Variants in NRG1 observed in about 807,000 individuals in gnomAD.
NRG1 encodes the protein pro-neuregulin-1, membrane-bound isoform.
NRG1 carries 18 observed loss-of-function variants against 63.8 expected under a neutral mutation model. The observed-to-expected ratio is 0.28, with a 90% CI of 0.19 to 0.42. The LOEUF is 0.42. Among genes scored for constraint, NRG1 ranks in the 10% least tolerant of loss-of-function variants. The pLI is 1.00. For missense variants in NRG1, 762 were observed against 814.7 expected (o/e 0.94, Z 0.79); for synonymous variants, 302 against 301.3 (o/e 1.00, Z -0.02).
At chr8:32,005,267 T>C (rs1276033949) in intron 1 of NRG1, among the ~76,000 whole-genome samples, 1 of 151,918 alleles carries the variant, frequency 6.6e-6, no homozygotes, top group Non-Finnish European at 1.5e-5. Context: ...ATCAGCTCCA[T>C]ATGCTACAGA....
At chr8:31,830,457 C>G (rs1460669689) in intron 1 of NRG1, among the ~76,000 whole-genome samples, 2 of 151,744 alleles carry the variant, frequency 1.3e-5, no homozygotes, top group African/African-American at 4.8e-5. Context: ...ATGCTTAGAT[C>G]AGCTGGGACA....
chr8:31,844,795 T>G (rs985580194), intron 1 of NRG1, among the ~76,000 whole-genome samples: 25 of 151,898 alleles, frequency 1.6e-4, no homozygotes, highest in African/African-American at 5.8e-4. Flanking sequence ...GTGAATTTTT[T>G]TTTTTCCTTT....
intron 1 of NRG1, among the ~76,000 whole-genome samples, chr8:32,015,676 C>A (rs1416315417): frequency 6.6e-6 from 1 of 152,108 alleles, no homozygotes. Context: ...AAGAAAGCTA[C>A]ATAAGCATCA....
At chr8:32,141,005 C>T (rs1259153489) in intron 1 of NRG1, among the ~76,000 whole-genome samples, 3 of 152,044 alleles carry the variant, frequency 2.0e-5, no homozygotes, top group Non-Finnish European at 4.4e-5. Context: ...GTTTCTGTCT[C>T]TCTCTTTTTC....
At chr8:32,182,462 G>A (rs931067218) in intron 1 of NRG1, among the ~76,000 whole-genome samples, 3 of 152,148 alleles carry the variant, frequency 2.0e-5, no homozygotes, top group Non-Finnish European at 2.9e-5. Context: ...GGCCAGGCTG[G>A]TCTCCAACTC....
intron 1 of NRG1, among the ~76,000 whole-genome samples, chr8:32,184,930 A>G (rs1841819410): frequency 6.6e-6 from 1 of 152,194 alleles, no homozygotes; most frequent in South Asian, 2.1e-4. Context: ...ACTTGGTAGC[A>G]TCAAGGGAAG....
intron 1 of NRG1, among the ~76,000 whole-genome samples, chr8:32,037,814 G>A (rs1819315234): frequency 1.3e-5 from 2 of 152,190 alleles, no homozygotes; most frequent in South Asian, 4.1e-4. Context: ...AGCAGCAGTG[G>A]TGGTAGCCAC....
chr8:32,563,000 G>A (rs1432206019), intron 1 of NRG1, among the ~76,000 whole-genome samples: 2 of 152,176 alleles, frequency 1.3e-5, no homozygotes, highest in African/African-American at 4.8e-5. Flanking sequence ...ATGTGTTCCT[G>A]GTATGTTTTC....
intron 2 of NRG1, among the ~76,000 whole-genome samples, chr8:32,601,625 C>T (rs548779416): frequency 1.3e-5 from 2 of 152,130 alleles, no homozygotes; most frequent in African/African-American, 2.4e-5. Flanking sequence ...TAGTTGTCTG[C>T]CAGTGGGACC....
At chr8:32,506,028 T>A (rs1417042614) in intron 1 of NRG1, among the ~76,000 whole-genome samples, 1 of 152,004 alleles carries the variant, frequency 6.6e-6, no homozygotes, top group Admixed American at 6.6e-5. Flanking sequence ...GGCAGGAGGA[T>A]CACTTGAGGC....
intron 5 of NRG1, among the ~76,000 whole-genome samples, chr8:32,696,104 C>T (rs1589257237): frequency 6.6e-6 from 1 of 152,164 alleles, no homozygotes; most frequent in African/African-American, 2.4e-5. Flanking sequence ...GATGGTTTTC[C>T]ATTTTGTTTT....
chr8:32,701,768 GAACAATTTAAGGTATTTT>G (rs1056078849), intron 5 of NRG1, among the ~76,000 whole-genome samples: 3 of 152,076 alleles, frequency 2.0e-5, no homozygotes, highest in African/African-American at 7.2e-5. Flanking sequence ...TTTATTCCAT[GAACAATTTAAGGTATTTT>G]AACTATCTGA....
chr8:32,558,957 G>T (rs1386060037), intron 1 of NRG1, among the ~76,000 whole-genome samples: 1 of 151,734 alleles, frequency 6.6e-6, no homozygotes, highest in Non-Finnish European at 1.5e-5. Context: ...GCATGTGCCT[G>T]TGGTCCAGCT....
At chr8:32,175,317 T>C (rs560024919) in intron 1 of NRG1, among the ~76,000 whole-genome samples, 1 of 152,348 alleles carries the variant, frequency 6.6e-6, no homozygotes, top group South Asian at 2.1e-4. Context: ...AATTAGGTAT[T>C]GATGGGACAT....
At chr8:31,655,610 A>T (rs1805357797) in intron 1 of NRG1, among the ~76,000 whole-genome samples, 1 of 152,226 alleles carries the variant, frequency 6.6e-6, no homozygotes, top group Non-Finnish European at 1.5e-5. Flanking sequence ...TTTTATCTTA[A>T]AAACAGGGGA....
At chr8:32,608,539 A>G (rs1423703498) in intron 3 of NRG1, among the ~76,000 whole-genome samples, 1 of 151,990 alleles carries the variant, frequency 6.6e-6, no homozygotes, top group Non-Finnish European at 1.5e-5. Flanking sequence ...GCAAATGTTT[A>G]AGTGAGATTC....
rs368179583 is a variant in NRG1 at position 31,806,983 on chromosome 8, G to A, written c.37+167552G>A. 1.9e-3 allele frequency among the ~76,000 whole-genome samples: 283 copies of A among 152,326 alleles called. 2 individuals carry two copies. The highest frequency in any genetic ancestry group is 6.3e-3 in the African/African-American group (262 of 41,580). ...CTATAAAATTCTGTCTACAGAATAT[G>A]TGGAACACAACCTTGGGTCGTATCT... On this transcript the variant is annotated intron_variant, in intron 1 of 10. Coordinates refer to the NRG1 transcript ENST00000519301.
At chr8:32,025,220 T>G (rs1373927382) in intron 1 of NRG1, among the ~76,000 whole-genome samples, 5 of 152,204 alleles carry the variant, frequency 3.3e-5, no homozygotes, top group African/African-American at 1.2e-4. Flanking sequence ...CTTGCTTACA[T>G]TTTTTCTTTT....
intron 1 of NRG1, among the ~76,000 whole-genome samples, chr8:31,834,252 C>T (rs772743303): frequency 6.7e-5 from 10 of 149,100 alleles, no homozygotes; most frequent in Non-Finnish European, 1.2e-4. Context: ...TACTGTTCAT[C>T]TATGTAAAGA....
Sources: allele counts gnomAD v4.1 joint callset (sites outside exome capture counted in the v4.1 genomes callset), GRCh38; gene constraint gnomAD v4.1.1; transcripts MANE v1.5; gene names NCBI Gene and HGNC (gene_info 2026-07-23, HGNC 2026-07-21).